NR3C2: variants seen among roughly 807,000 people sequenced by gnomAD.
The protein encoded by NR3C2 is nuclear receptor subfamily 3 group C member 2.
In NR3C2, 15 loss-of-function variants were observed where a neutral mutation model predicts 86.4. The ratio of observed to expected loss-of-function variants is 0.17; its 90% CI spans 0.12 to 0.27. The LOEUF is 0.27. Ranked by LOEUF, NR3C2 falls within the 10% of genes least tolerant of loss-of-function variation. NR3C2 has a pLI of 1.00. For synonymous variants in NR3C2, 458 were observed against 450.5 expected, an observed-to-expected ratio of 1.02 and a Z score of -0.21; for missense variants, 960 against 1,195.6, an observed-to-expected ratio of 0.80 and a Z score of 2.91.
intron 2 of NR3C2, among the ~76,000 whole-genome samples, chr4:148,420,348 A>ATTTTCTTT (rs1393096117): frequency 2.0e-5 from 3 of 152,278 alleles, no homozygotes; most frequent in Non-Finnish European, 4.4e-5. Flanking sequence ...AAGAGATTCT[A>ATTTTCTTT]TTTTCTTTAA....
intron 7 of NR3C2, among the ~76,000 whole-genome samples, chr4:148,119,926 G>A (rs1560931543): frequency 6.6e-6 from 1 of 152,156 alleles, no homozygotes; most frequent in Non-Finnish European, 1.5e-5. Flanking sequence ...ACACTGAGTG[G>A]TTGGATGGAT....
chr4:148,304,677 A>AG (rs1489674246), intron 2 of NR3C2, among the ~76,000 whole-genome samples: 1 of 151,968 alleles, frequency 6.6e-6, no homozygotes, highest in Non-Finnish European at 1.5e-5. Flanking sequence ...ACTACTTTAG[A>AG]GGGGGGAATG....
At chr4:148,238,056 C>A (rs1208550820) in intron 3 of NR3C2, among the ~76,000 whole-genome samples, 1 of 152,116 alleles carries the variant, frequency 6.6e-6, no homozygotes, top group Non-Finnish European at 1.5e-5. Context: ...TTTTTCCTAA[C>A]TCATCACTAC....
intron 2 of NR3C2, among the ~76,000 whole-genome samples, chr4:148,325,653 T>C (rs1420584077): frequency 6.6e-6 from 1 of 152,234 alleles, no homozygotes; most frequent in African/African-American, 2.4e-5. Flanking sequence ...TAAACATACA[T>C]AATTTATTCA....
chr4:148,136,639 A>G (rs1328624934), intron 6 of NR3C2, among the ~76,000 whole-genome samples: 1 of 152,038 alleles, frequency 6.6e-6, no homozygotes, highest in East Asian at 1.9e-4. Flanking sequence ...ACTGTAGTCC[A>G]GAAGAGTCAC....
intron 2 of NR3C2, among the ~76,000 whole-genome samples, chr4:148,380,620 T>C (rs774024776): frequency 3.3e-5 from 5 of 152,226 alleles, no homozygotes; most frequent in Non-Finnish European, 7.3e-5. Flanking sequence ...ACTGTCTCTT[T>C]GATTATACTC....
intron 2 of NR3C2, among the ~76,000 whole-genome samples, chr4:148,321,430 C>T (rs1743581121): frequency 6.6e-6 from 1 of 151,128 alleles, no homozygotes; most frequent in South Asian, 2.1e-4. Context: ...TCCTGGGTAT[C>T]CTTGTTGACT....
intron 8 of NR3C2, among the ~76,000 whole-genome samples, chr4:148,082,573 C>T (rs1388238678): frequency 1.3e-5 from 2 of 151,964 alleles, no homozygotes; most frequent in East Asian, 3.9e-4. Context: ...ACCCATAGAC[C>T]AGGAGATTCC....
At chr4:148,383,318 T>C (rs74924425) in intron 2 of NR3C2, among the ~76,000 whole-genome samples, 2,986 of 152,260 alleles carry the variant, frequency 0.02, 97 homozygotes, top group African/African-American at 0.067. Context: ...AGGTGTTTTA[T>C]GTTTATATAA....
chr4:148,375,255 A>C (rs2126409208), intron 2 of NR3C2, among the ~76,000 whole-genome samples: 1 of 152,260 alleles, frequency 6.6e-6, no homozygotes, highest in African/African-American at 2.4e-5. Context: ...CGGTAGTTCG[A>C]AACCAGCCTG....
chr4:148,175,160 C>CA (rs1375053664), intron 4 of NR3C2, among the ~76,000 whole-genome samples: 14 of 151,986 alleles, frequency 9.2e-5, no homozygotes, highest in African/African-American at 2.9e-4. Context: ...AACACTAAAT[C>CA]AAAAAACAAA....
At chr4:148,265,669 T>C (rs13103641) in intron 2 of NR3C2, among the ~76,000 whole-genome samples, 26,676 of 152,240 alleles carry the variant, frequency 0.18, 3,025 homozygotes, top group East Asian at 0.47. Flanking sequence ...ACCACCACCA[T>C]CACCGGCTAC....
At chr4:148,365,877 A>C (rs1746089062) in intron 2 of NR3C2, among the ~76,000 whole-genome samples, 1 of 152,180 alleles carries the variant, frequency 6.6e-6, no homozygotes, top group African/African-American at 2.4e-5. Context: ...AATTCCAGGC[A>C]CTGACCCCAC....
intron 2 of NR3C2, among the ~76,000 whole-genome samples, chr4:148,318,302 T>A (rs1256888556): frequency 2.0e-5 from 3 of 151,786 alleles, no homozygotes; most frequent in African/African-American, 7.3e-5. Flanking sequence ...TCGTTCCAAG[T>A]CTTTGCTATT....
chr4:148,387,642 C>T (rs748524226), intron 2 of NR3C2, among the ~76,000 whole-genome samples: 63 of 152,184 alleles, frequency 4.1e-4, no homozygotes, highest in Non-Finnish European at 6.5e-4. Flanking sequence ...GTTCTGGAGG[C>T]GATAACAATA....
Position 148,436,662 on chromosome 4 carries a change from T to C in NR3C2, c.199A>G (p.Lys67Glu). The stretch of plus-strand genomic sequence containing the variant: ...TGAAGGCAAGGGAGTAGTTCTTGTT[T>C]TTCTTTGCTGCTTCCTTGAGTACTG... ...NNSTQGSSKEKQELLPCLQQD... is the reference protein window; with the variant it reads ...NNSTQGSSKEEQELLPCLQQD... The change falls in exon 2 of 9, where the codon AAA becomes GAA. Residue 67 changes from lysine (K) to glutamate (E), a missense_variant. Lys to Glu is a moderately conservative substitution (Grantham distance 56, BLOSUM62 1). Coordinates refer to ENST00000358102, the MANE Select transcript of NR3C2 (RefSeq NM_000901.5). The C allele has an allele frequency of 3.7e-6, 6 of 1,614,220 alleles. No homozygotes were observed. Among genetic ancestry groups the C allele is most frequent in the Non-Finnish European group, 4.2e-6 (5 of 1,180,036 alleles).
chr4:148,350,201 T>C (rs1745204005), intron 2 of NR3C2, among the ~76,000 whole-genome samples: 1 of 152,172 alleles, frequency 6.6e-6, no homozygotes. Flanking sequence ...CAAGCCAATG[T>C]ACCTAATTAC....
rs536409157 is a variant in NR3C2 at position 148,203,221 on chromosome 4, T to C, written c.1898-8359A>G. 5.9e-5 allele frequency among the ~76,000 whole-genome samples: 9 copies of C among 152,266 alleles called. No individual in the cohort carries two copies. The South Asian group carries it at 1.9e-3, about 32-fold the overall frequency. ...CATTCAAACATGGGAACTATATGTT[T>C]CGTAGAGCACCAAACTGGCTGCAAG... On this transcript the variant is annotated intron_variant, in intron 3 of 8. Transcript: ENST00000358102.
intron 8 of NR3C2, among the ~76,000 whole-genome samples, chr4:148,101,317 C>T (rs1036211286): frequency 1.3e-5 from 2 of 152,134 alleles, no homozygotes; most frequent in African/African-American, 2.4e-5. Context: ...AAAAACCAGC[C>T]GCTGGGAAAA....
Sources: gnomAD v4.1 joint callset for allele counts (sites outside exome capture counted in the v4.1 genomes callset) on GRCh38, gnomAD v4.1.1 for gene constraint, MANE v1.5 for transcripts, NCBI Gene and HGNC (gene_info 2026-07-23, HGNC 2026-07-21) for gene names.